Variants in PARD3 observed in about 807,000 individuals in gnomAD.
The protein encoded by PARD3 is par-3 family cell polarity regulator.
A neutral mutation model predicts 155.4 loss-of-function variants in PARD3; 75 were observed. The observed-to-expected ratio is 0.48, with a 90% CI of 0.40 to 0.58. The LOEUF (loss-of-function observed/expected upper bound fraction) is 0.58. Among genes scored for constraint, PARD3 ranks in the 20% least tolerant of loss-of-function variants. The pLI, the probability that PARD3 is intolerant of heterozygous loss-of-function variation, is 0.00. For synonymous variants in PARD3, 576 were observed against 610.5 expected (o/e 0.94, Z 0.83); for missense variants, 1,642 against 1,721.7 (o/e 0.95, Z 0.82).
intron 3 of PARD3, among the ~76,000 whole-genome samples, chr10:34,505,665 G>C (rs1156621349): frequency 2.0e-5 from 3 of 152,118 alleles, no homozygotes. Flanking sequence ...TGATGACATG[G>C]GGCAGGATAT....
In PARD3 at chr10:34,309,850, C is replaced by T. The variant is rs193163586; in HGVS notation, c.3065+7257G>A. On this transcript the variant is annotated intron_variant, in intron 20 of 24. Transcript: ENST00000374788. ...AAGAGAGGACCAGAATGGTTTGGCT[C>T]TTGGCTTAAAGCATGAGATGCAAGT... Among the ~76,000 whole-genome samples the T allele has an allele frequency of 8.0e-4, 102 of 126,798 alleles. 2 individuals are homozygous for T. The East Asian group carries it at 0.021, about 26-fold the overall frequency. The allele number at this position is 126,798 out of a possible 152,430, so 83.2% of individuals were successfully genotyped here.
chr10:34,577,581 T>A (rs569588797), intron 2 of PARD3, among the ~76,000 whole-genome samples: 4 of 152,220 alleles, frequency 2.6e-5, no homozygotes, highest in Admixed American at 6.5e-5. Flanking sequence ...GTGTCTCTGT[T>A]CACACACCTT....
At chr10:34,594,834 A>G (rs2089097705) in intron 2 of PARD3, among the ~76,000 whole-genome samples, 3 of 152,164 alleles carry the variant, frequency 2.0e-5, no homozygotes, top group African/African-American at 7.2e-5. Flanking sequence ...TCTCAAAAAA[A>G]TAAAATAAAA....
At chr10:34,211,354 A>G (rs1041072000) in intron 22 of PARD3, among the ~76,000 whole-genome samples, 3 of 152,204 alleles carry the variant, frequency 2.0e-5, no homozygotes, top group Non-Finnish European at 2.9e-5. Context: ...TTCCTCTTTC[A>G]GATCACAGTT....
chr10:34,602,935 T>C (rs2089918454), intron 2 of PARD3, among the ~76,000 whole-genome samples: 1 of 152,226 alleles, frequency 6.6e-6, no homozygotes, highest in Non-Finnish European at 1.5e-5. Context: ...CAAATGTGTA[T>C]GTAACATCAT....
intron 23 of PARD3, among the ~76,000 whole-genome samples, chr10:34,130,234 C>T (rs1340262234): frequency 6.6e-6 from 1 of 152,058 alleles, no homozygotes; most frequent in African/African-American, 2.4e-5. Context: ...AGATCCTGAG[C>T]CCTCTTGCAC....
At chr10:34,484,320 G>A (rs745980338) in intron 3 of PARD3, among the ~76,000 whole-genome samples, 1 of 152,020 alleles carries the variant, frequency 6.6e-6, no homozygotes, top group East Asian at 1.9e-4. Flanking sequence ...TCACAAATAC[G>A]GACTTCACAA....
intron 2 of PARD3, among the ~76,000 whole-genome samples, chr10:34,621,914 A>G (rs1052404364): frequency 6.6e-6 from 1 of 152,248 alleles, no homozygotes; most frequent in African/African-American, 2.4e-5. Flanking sequence ...TGGTGCTCAG[A>G]GGTTGTAACA....
intron 17 of PARD3, 44 bp from the exon 18 acceptor site, chr10:34,336,287 A>C: frequency 7.0e-7 from 1 of 1,423,264 alleles, no homozygotes; most frequent in African/African-American, 1.4e-5. Context: ...GTTAGTTCCC[A>C]TAGCCCACCA....
At position 34,343,868 on chromosome 10, in the gene PARD3, C is replaced by T. The variant is rs145063918; in HGVS notation, c.2219-2052G>A. On this transcript the variant is annotated intron_variant, in intron 15 of 24. Coordinates refer to ENST00000374788, the MANE Select transcript of PARD3 (RefSeq NM_001184785.2). ...TGTAGAGGAGTGAAACAATGAAATACAAAATGTTTGTTTACTAAACATTTA... is the reference window on the plus strand; with the variant it reads ...TGTAGAGGAGTGAAACAATGAAATATAAAATGTTTGTTTACTAAACATTTA... 2.1e-4 allele frequency: 203 copies of T among 982,980 alleles called. 1 individual carries two copies. In the African/African-American group the frequency reaches 3.3e-3, roughly 16 times the overall value. 60.9% of individuals were successfully genotyped at this position (982,980 alleles called of 1,614,324 possible). A position where few individuals can be genotyped will look rare whatever the true frequency, so the allele number is the denominator to read the frequency against.
chr10:34,801,147 G>T (rs763862863), intron 1 of PARD3, among the ~76,000 whole-genome samples: 3 of 152,208 alleles, frequency 2.0e-5, no homozygotes, highest in Non-Finnish European at 2.9e-5. Context: ...GTGAAGGCAA[G>T]AGACAGACGC....
At chr10:34,476,197 G>A (rs1332938723) in intron 3 of PARD3, among the ~76,000 whole-genome samples, 2 of 152,142 alleles carry the variant, frequency 1.3e-5, no homozygotes, top group Admixed American at 6.6e-5. Context: ...GTTTTATGCC[G>A]ACATCATCAC....
chr10:34,154,774 C>T (rs966146341), intron 22 of PARD3, among the ~76,000 whole-genome samples: 1 of 152,164 alleles, frequency 6.6e-6, no homozygotes, highest in Non-Finnish European at 1.5e-5. Context: ...TAGTAACTAC[C>T]TCCAGGTGTT....
chr10:34,452,016 A>G (rs1034591776), intron 4 of PARD3, among the ~76,000 whole-genome samples: 6 of 152,180 alleles, frequency 3.9e-5, no homozygotes, highest in African/African-American at 1.4e-4. Context: ...CATAAAGGGT[A>G]GACTTGTTAA....
At chr10:34,341,934 C>G (rs1836875052) in intron 15 of PARD3, 118 bp from the exon 16 acceptor site, 1 of 594,784 alleles carries the variant, frequency 1.7e-6, no homozygotes, top group East Asian at 2.9e-5. Context: ...TCTGCTCAAC[C>G]TGGTAGAACA....
chr10:34,165,182 C>A (rs1049019359), intron 22 of PARD3, among the ~76,000 whole-genome samples: 8 of 152,088 alleles, frequency 5.3e-5, no homozygotes, highest in African/African-American at 1.9e-4. Flanking sequence ...CTTATAAAAC[C>A]CTTTGCACCT....
At chr10:34,536,827 C>T (rs1269328974) in intron 2 of PARD3, among the ~76,000 whole-genome samples, 3 of 152,052 alleles carry the variant, frequency 2.0e-5, no homozygotes, top group Non-Finnish European at 1.5e-5. Flanking sequence ...ACAGTCAACA[C>T]CTTGGATGGG....
At chr10:34,125,969 T>G (rs1286896871) in intron 23 of PARD3, among the ~76,000 whole-genome samples, 2 of 152,210 alleles carry the variant, frequency 1.3e-5, no homozygotes, top group Non-Finnish European at 2.9e-5. Context: ...AGCCTGCAAT[T>G]TAGTTCTTTT....
At chr10:34,700,504 T>C (rs1410067415) in intron 1 of PARD3, among the ~76,000 whole-genome samples, 1 of 152,232 alleles carries the variant, frequency 6.6e-6, no homozygotes, top group African/African-American at 2.4e-5. Context: ...AATAGCACCC[T>C]ACTTTTTCAT....
Sources: allele counts gnomAD v4.1 joint callset (sites outside exome capture counted in the v4.1 genomes callset), GRCh38; gene constraint gnomAD v4.1.1; transcripts MANE v1.5; gene names NCBI Gene and HGNC (gene_info 2026-07-23, HGNC 2026-07-21).